TAFA2: variants seen among roughly 807,000 people sequenced by gnomAD.
TAFA2 encodes TAFA chemokine like family member 2.
A neutral mutation model predicts 18.8 loss-of-function variants in TAFA2; 7 were observed. That is an observed-to-expected ratio of 0.37 (90% CI 0.21 to 0.70). TAFA2 has a LOEUF of 0.70. Ranked by LOEUF, TAFA2 falls within the 30% of genes least tolerant of loss-of-function variation. The pLI, the probability that TAFA2 is intolerant of heterozygous loss-of-function variation, is 0.53. For synonymous variants in TAFA2, 60 were observed against 54.2 expected (o/e 1.11, Z -0.47); for missense variants, 122 against 158.1 (o/e 0.77, Z 1.23).
At chr12:62,093,920 T>C (rs11174313) in intron 1 of TAFA2, among the ~76,000 whole-genome samples, 25,885 of 152,010 alleles carry the variant, frequency 0.17, 2,454 homozygotes, top group Non-Finnish European at 0.21. Flanking sequence ...AGATTGCAAA[T>C]CTGCTCTGAA....
At chr12:62,017,411 A>T (rs748712215) in intron 1 of TAFA2, among the ~76,000 whole-genome samples, 1 of 152,190 alleles carries the variant, frequency 6.6e-6, no homozygotes, top group Non-Finnish European at 1.5e-5. Context: ...TTCAGCAAGT[A>T]TATGTATTCT....
At chr12:61,755,047 A>G (rs200606199) in intron 2 of TAFA2, 23 bp from the exon 3 acceptor site, 10 of 1,610,886 alleles carry the variant, frequency 6.2e-6, no homozygotes, top group South Asian at 5.5e-5. Flanking sequence ...AAAAGATAAG[A>G]CAACATTGAG....
chr12:62,046,754 A>G (rs1240060922), intron 1 of TAFA2, among the ~76,000 whole-genome samples: 2 of 152,120 alleles, frequency 1.3e-5, no homozygotes, highest in African/African-American at 4.8e-5. Flanking sequence ...ACACTATGTG[A>G]TGGAAGGATT....
chr12:61,878,661 C>T (rs1262928154), intron 1 of TAFA2, among the ~76,000 whole-genome samples: 2 of 152,174 alleles, frequency 1.3e-5, no homozygotes, highest in African/African-American at 2.4e-5. Context: ...CTTGGTTGCT[C>T]TGCATGATCA....
intron 4 of TAFA2, among the ~76,000 whole-genome samples, chr12:61,749,980 A>C (rs186850413): frequency 6.8e-6 from 1 of 146,644 alleles, no homozygotes; most frequent in South Asian, 2.1e-4. Flanking sequence ...CGAAGAAAGA[A>C]TATCAAAACA....
intron 1 of TAFA2, among the ~76,000 whole-genome samples, chr12:61,909,496 T>C (rs951974959): frequency 7.2e-5 from 11 of 152,026 alleles, no homozygotes; most frequent in African/African-American, 2.7e-4. Flanking sequence ...TGAAAGAAAA[T>C]CAATCTCTGT....
At chr12:62,173,230 T>A (rs2062490762) in intron 1 of TAFA2, among the ~76,000 whole-genome samples, 1 of 152,066 alleles carries the variant, frequency 6.6e-6, no homozygotes. Context: ...CTGGCCAACA[T>A]GGTGAAACCC....
At chr12:62,118,276 T>A (rs1211770839) in intron 1 of TAFA2, among the ~76,000 whole-genome samples, 1 of 152,158 alleles carries the variant, frequency 6.6e-6, no homozygotes, top group Non-Finnish European at 1.5e-5. Context: ...AGTATTATAT[T>A]GCTAAAATTT....
intron 1 of TAFA2, among the ~76,000 whole-genome samples, chr12:62,141,225 G>C (rs1295805951): frequency 6.6e-6 from 1 of 152,232 alleles, no homozygotes; most frequent in Non-Finnish European, 1.5e-5. Context: ...CTCTGAGGAG[G>C]AAAGTTCAGA....
intron 2 of TAFA2, among the ~76,000 whole-genome samples, chr12:61,833,584 C>T (rs1872798423): frequency 6.6e-6 from 1 of 151,996 alleles, no homozygotes; most frequent in African/African-American, 2.4e-5. Flanking sequence ...TTAAGCCACA[C>T]TAATTATTCT....
chr12:62,111,806 A>G (rs553870095), intron 1 of TAFA2, among the ~76,000 whole-genome samples: 2 of 152,034 alleles, frequency 1.3e-5, no homozygotes, highest in South Asian at 2.1e-4. Context: ...TAGGATTGCA[A>G]CCCCTACTTT....
At chr12:61,826,192 T>C (rs1872530540) in intron 2 of TAFA2, among the ~76,000 whole-genome samples, 1 of 152,108 alleles carries the variant, frequency 6.6e-6, no homozygotes, top group Admixed American at 6.6e-5. Context: ...GCTTTTGTTT[T>C]AGAAAATTTT....
intron 1 of TAFA2, among the ~76,000 whole-genome samples, chr12:61,897,234 T>C (rs1875886712): frequency 1.3e-5 from 2 of 152,220 alleles, no homozygotes; most frequent in Non-Finnish European, 1.5e-5. Flanking sequence ...ATGCTGACTG[T>C]ACATCCTTAA....
chr12:61,794,037 A>G (rs553592748), intron 2 of TAFA2, among the ~76,000 whole-genome samples: 58 of 152,098 alleles, frequency 3.8e-4, no homozygotes, highest in Middle Eastern at 3.4e-3. Context: ...CAAACTAGGT[A>G]TAGAAAACAA....
intron 1 of TAFA2, among the ~76,000 whole-genome samples, chr12:62,237,930 C>T (rs1208879949): frequency 6.6e-6 from 1 of 152,204 alleles, no homozygotes; most frequent in Middle Eastern, 3.2e-3. Context: ...TGTTGCTGAA[C>T]AGCCAATCTG....
intron 1 of TAFA2, among the ~76,000 whole-genome samples, chr12:61,967,941 C>A (rs1257917913): frequency 6.6e-6 from 1 of 151,796 alleles, no homozygotes; most frequent in African/African-American, 2.4e-5. Context: ...TTTCTGTAAT[C>A]TGGGTCCAGG....
At chr12:61,880,239 A>T in intron 1 of TAFA2, 1 of 488,190 alleles carries the variant, frequency 2.0e-6, no homozygotes. Flanking sequence ...ACAAAGACTG[A>T]CATCTCCGAG....
Position 61,879,519 on chromosome 12 carries a change from G to A in TAFA2, c.-1-12093C>T. On this transcript the variant is annotated intron_variant, in intron 1 of 4. Transcript: ENST00000416284. ...GTATTGGAGGGATCACTGCTGTCAT[G>A]GTCAACCAGAGCCTGCTGAGGCCCC... 4.2e-6 allele frequency: 3 copies of A among 711,004 alleles called. No individual in the cohort carries two copies. In the Admixed American group the frequency reaches 5.8e-5, roughly 14 times the overall value. The allele number at this position is 711,004 out of a possible 1,614,324, so 44.0% of individuals were successfully genotyped here.
intron 1 of TAFA2, among the ~76,000 whole-genome samples, chr12:61,901,564 A>C (rs570923320): frequency 6.6e-6 from 1 of 152,210 alleles, no homozygotes; most frequent in African/African-American, 2.4e-5. Flanking sequence ...TAACAAAAAA[A>C]AAGACACACA....
Sources: allele counts gnomAD v4.1 joint callset (sites outside exome capture counted in the v4.1 genomes callset), GRCh38; gene constraint gnomAD v4.1.1; transcripts MANE v1.5; gene names NCBI Gene and HGNC (gene_info 2026-07-23, HGNC 2026-07-21).